Variants in TCEA3 observed in about 807,000 individuals in gnomAD.
The protein encoded by TCEA3 is transcription elongation factor A protein 3.
TCEA3 carries 36 observed loss-of-function variants against 44.0 expected under a neutral mutation model. That is an observed-to-expected ratio of 0.82 (90% CI 0.63 to 1.08). The LOEUF (loss-of-function observed/expected upper bound fraction) is 1.08. TCEA3 is among the 50% of genes least tolerant of loss of function. The pLI, the probability that TCEA3 is intolerant of heterozygous loss-of-function variation, is 0.00. For missense variants in TCEA3, 392 were observed against 441.2 expected, an observed-to-expected ratio of 0.89 and a Z score of 1.00; for synonymous variants, 162 against 159.7, an observed-to-expected ratio of 1.01 and a Z score of -0.11.
intron 10 of TCEA3, 181 bp downstream of exon 10, chr1:23,384,165 G>T: frequency 7.0e-7 from 1 of 1,426,972 alleles, no homozygotes; most frequent in South Asian, 1.6e-5. Flanking sequence ...ACATGCATGT[G>T]TGTTCTCTCC....
At position 23,397,547 on chromosome 1, in the gene TCEA3, T is replaced by C; in HGVS notation, c.662A>G (p.Asp221Gly). Residue 221 changes from aspartate (D) to glycine (G), a missense_variant and splice_region_variant, in exon 7 of 11, where the codon GAT (aspartate) becomes GGT (glycine). Transcript: ENST00000450454. The part of the protein sequence containing the change: ...NCDKMASEIE[D>G]HIYQELKSTD... ...GCCCCGGCACAGTTCAAGGATATGATCTTCGATTTCTGATGCCATCTTGTC... is the reference window on the plus strand; with the variant it reads ...GCCCCGGCACAGTTCAAGGATATGACCTTCGATTTCTGATGCCATCTTGTC... 1 of 1,613,776 alleles carries C rather than the reference T, an allele frequency of 6.2e-7. No homozygotes were observed. The highest frequency in any genetic ancestry group is 8.5e-7 in the Non-Finnish European group (1 of 1,179,842).
At chr1:23,386,111 T>C (rs1638827668) in intron 9 of TCEA3, among the ~76,000 whole-genome samples, 1 of 152,216 alleles carries the variant, frequency 6.6e-6, no homozygotes, top group Admixed American at 6.5e-5. Context: ...GCAGGGATGA[T>C]TCTAAACTCA....
At chr1:23,385,746 G>C (rs1268611850) in intron 9 of TCEA3, among the ~76,000 whole-genome samples, 2 of 152,232 alleles carry the variant, frequency 1.3e-5, no homozygotes, top group Non-Finnish European at 2.9e-5. Flanking sequence ...TTAAGAGAAG[G>C]GGCCTCCACA....
At chr1:23,394,274 T>C (rs965332847) in intron 7 of TCEA3, among the ~76,000 whole-genome samples, 11 of 152,132 alleles carry the variant, frequency 7.2e-5, no homozygotes, top group African/African-American at 2.2e-4. Flanking sequence ...GCAAGCACTA[T>C]AGTGTCAGGG....
chr1:23,404,858 C>T (rs538285232), intron 5 of TCEA3, among the ~76,000 whole-genome samples: 1 of 151,746 alleles, frequency 6.6e-6, no homozygotes, highest in South Asian at 2.1e-4. Flanking sequence ...CCTAGCTACA[C>T]GGGAGGCTGG....
intron 10 of TCEA3, chr1:23,384,075 T>C: frequency 7.7e-7 from 1 of 1,299,988 alleles, no homozygotes; most frequent in Non-Finnish European, 9.8e-7. Flanking sequence ...CCATCTGTGC[T>C]CAAATGACAG....
At chr1:23,383,258 C>T (rs918149620) in intron 10 of TCEA3, among the ~76,000 whole-genome samples, 6 of 120,356 alleles carry the variant, frequency 5.0e-5, no homozygotes, top group South Asian at 5.5e-4. Context: ...CCAGCCTGGG[C>T]AACAGAGCGA....
intron 9 of TCEA3, among the ~76,000 whole-genome samples, chr1:23,386,759 C>T (rs960999267): frequency 2.6e-5 from 4 of 151,930 alleles, no homozygotes; most frequent in African/African-American, 7.3e-5. Flanking sequence ...CTCACTCTGT[C>T]GCCCAAGCTG....
chr1:23,383,261 C>A (rs1638722992), intron 10 of TCEA3, among the ~76,000 whole-genome samples: 1 of 119,896 alleles, frequency 8.3e-6, no homozygotes, highest in Admixed American at 1.0e-4. Flanking sequence ...GCCTGGGCAA[C>A]AGAGCGAGAC....
At chr1:23,382,581 C>G (rs1638697350) in intron 10 of TCEA3, among the ~76,000 whole-genome samples, 1 of 152,236 alleles carries the variant, frequency 6.6e-6, no homozygotes, top group South Asian at 2.1e-4. Context: ...GCTCCGTACC[C>G]TGGCATGAGG....
chr1:23,381,994 A>G (rs1638683236), intron 10 of TCEA3, among the ~76,000 whole-genome samples: 1 of 151,990 alleles, frequency 6.6e-6, no homozygotes, highest in Non-Finnish European at 1.5e-5. Flanking sequence ...ATTAACATGT[A>G]TTAACTCATT....
intron 10 of TCEA3, among the ~76,000 whole-genome samples, chr1:23,382,070 C>T (rs1179150340): frequency 8.0e-5 from 10 of 124,852 alleles, no homozygotes; most frequent in African/African-American, 1.9e-4. Flanking sequence ...TTTTTTGAAA[C>T]GGAGTTTCAC....
intron 4 of TCEA3, among the ~76,000 whole-genome samples, chr1:23,409,636 C>A (rs113567283): frequency 0.015 from 2,292 of 152,140 alleles, 55 homozygotes; most frequent in African/African-American, 0.052. Flanking sequence ...CGACCTCCAC[C>A]TCCTGGGTTC....
rs118185648 is a variant in TCEA3, at chr1:23,409,693, C to T, written c.381-967G>A. 4.1e-3 allele frequency among the ~76,000 whole-genome samples: 620 copies of T among 151,932 alleles called. 24 individuals carry two copies. In the East Asian group the frequency reaches 0.058, roughly 14 times the overall value. ...CTCCTGGGTAGCTGGGACTTACAGG[C>T]GTGTGCCACCATGCCTAGCTAATTT... On this transcript the variant is annotated intron_variant, in intron 4 of 10. Coordinates refer to ENST00000450454, the MANE Select transcript of TCEA3 (RefSeq NM_003196.3).
chr1:23,424,693 C>A lies in TCEA3; in HGVS notation c.-60G>T. On this transcript the variant is annotated 5_prime_UTR_variant, in exon 1 of 11. Transcript: ENST00000450454. ...AGGGGCAGCAGTAGGGCCTCGGGGG[C>A]AGGAGGCGCGAAGGCGGAGGGCGCG... 2 of 1,390,958 alleles carry A rather than the reference C, an allele frequency of 1.4e-6. No individual in the cohort carries two copies. Among genetic ancestry groups the A allele is most frequent in the Non-Finnish European group, 2.0e-6 (2 of 1,006,550 alleles). The allele number at this position is 1,390,958 out of a possible 1,614,324, so 86.2% of individuals were successfully genotyped here.
chr1:23,415,295 T>C (rs950273255), intron 4 of TCEA3, among the ~76,000 whole-genome samples: 2 of 152,186 alleles, frequency 1.3e-5, no homozygotes, highest in African/African-American at 4.8e-5. Flanking sequence ...AGCGCTGGGA[T>C]TACAGGCATG....
intron 9 of TCEA3, among the ~76,000 whole-genome samples, chr1:23,385,401 G>A (rs1293925204): frequency 6.6e-6 from 1 of 152,212 alleles, no homozygotes. Context: ...AACTTTGCTA[G>A]TGGGCAGTTT....
rs1450008174 is a variant in TCEA3, at chr1:23,397,949, G to A, written c.450C>T (p.Asn150=). Residue 150 remains asparagine (N), a synonymous_variant, in exon 6 of 11, where the codon AAC becomes AAT. Transcript: ENST00000450454. ...GGCTCTCCGCTTTTGATTTGCTGCT[G>A]TTTGATCTGAGGATGACAATAAGTA... ...SPKRPSVERS[N]SSKSKAESPK... The A allele has an allele frequency of 6.2e-7, 1 of 1,613,716 alleles. No homozygotes were observed. Among genetic ancestry groups the A allele is most frequent in the Non-Finnish European group, 8.5e-7 (1 of 1,179,816 alleles).
intron 8 of TCEA3, 47 bp from the exon 9 acceptor site, chr1:23,387,466 C>A (rs772283119): frequency 1.3e-6 from 2 of 1,530,068 alleles, no homozygotes; most frequent in Admixed American, 2.1e-5. Flanking sequence ...GTTTCAGGGG[C>A]CCTGCCCTAC....
Sources: allele counts gnomAD v4.1 joint callset (sites outside exome capture counted in the v4.1 genomes callset), GRCh38; gene constraint gnomAD v4.1.1; transcripts MANE v1.5; gene names NCBI Gene and HGNC (gene_info 2026-07-23, HGNC 2026-07-21).